ADGRE1: variants seen among roughly 807,000 people sequenced by gnomAD.
The protein encoded by ADGRE1 is adhesion G protein-coupled receptor E1.
Under a neutral mutation model 102.7 loss-of-function variants are expected in ADGRE1, and 82 were observed. The ratio of observed to expected loss-of-function variants is 0.80; its 90% CI spans 0.67 to 0.96. The LOEUF (loss-of-function observed/expected upper bound fraction) is 0.96. Ranked by LOEUF, ADGRE1 falls within the 40% of genes least tolerant of loss-of-function variation. The probability of loss-of-function intolerance (pLI) is 0.00; values close to 1 mark genes in which losing one functional copy is unlikely to be tolerated. For synonymous variants in ADGRE1, 398 were observed against 399.6 expected (o/e 1.00, Z 0.05); for missense variants, 1,032 against 1,085.3 (o/e 0.95, Z 0.69).
At position 6,904,080 on chromosome 19, in the gene ADGRE1, T is replaced by A; in HGVS notation, c.847T>A (p.Ser283Thr). The A allele has an allele frequency of 1.2e-6, 2 of 1,614,220 alleles. No individual in the cohort carries two copies. The highest frequency in any genetic ancestry group is 1.7e-6 in the Non-Finnish European group (2 of 1,180,030). The change falls in exon 8 of 21, where the codon TCT becomes ACT. Residue 283 changes from serine (S) to threonine (T), a missense_variant. Physicochemically the swap from Ser to Thr is moderately conservative, Grantham distance 58. Coordinates refer to ENST00000312053, the MANE Select transcript of ADGRE1 (RefSeq NM_001974.5). Reference sequence around the variant, plus strand: ...AGATCCATCAACCTGTGGTCCTAATTCTATCTGCACCAATGCCCTGGGCTC... The same window carrying A: ...AGATCCATCAACCTGTGGTCCTAATACTATCTGCACCAATGCCCTGGGCTC... ...RQDPSTCGPN[S>T]ICTNALGSYS...
At chr19:6,911,133 A>G (rs908650918) in intron 10 of ADGRE1, among the ~76,000 whole-genome samples, 1 of 152,012 alleles carries the variant, frequency 6.6e-6, no homozygotes, top group Non-Finnish European at 1.5e-5. Context: ...GTCAGTGGGG[A>G]GGGGAGTCCC....
chr19:6,916,180 TGGACAGAA>T, intron 11 of ADGRE1, 61 bp from the exon 12 acceptor site: 1 of 1,556,510 alleles, frequency 6.4e-7, no homozygotes, highest in Admixed American at 1.9e-5. Context: ...TACCTTTTTT[TGGACAGAA>T]ACCAAATTCA....
chr19:6,936,368 G>A (rs932226821), intron 18 of ADGRE1, among the ~76,000 whole-genome samples: 11 of 150,664 alleles, frequency 7.3e-5, no homozygotes, highest in Non-Finnish European at 1.0e-4. Flanking sequence ...CCCAGGAGGC[G>A]GAGCTTGCAG....
At position 6,940,391 on chromosome 19, in the gene ADGRE1, C is replaced by T. The variant is rs374291929; in HGVS notation, c.*362C>T. Reference sequence around the variant, plus strand: ...GCATGCCCCTCCAGAGCCTATCATACGCCTGATACAGAGAACCTCTCAATA... The same window carrying T: ...GCATGCCCCTCCAGAGCCTATCATATGCCTGATACAGAGAACCTCTCAATA... On this transcript the variant is annotated 3_prime_UTR_variant, in exon 21 of 21. Transcript: ENST00000312053. The T allele has an allele frequency of 1.2e-4, 37 of 299,972 alleles. No homozygotes were observed. Among genetic ancestry groups the T allele is most frequent in the South Asian group, 9.5e-4 (18 of 18,938 alleles). 18.6% of individuals were successfully genotyped at this position (299,972 alleles called of 1,614,324 possible).
chr19:6,907,948 GC>G (rs918189873), intron 9 of ADGRE1, among the ~76,000 whole-genome samples: 11 of 152,222 alleles, frequency 7.2e-5, no homozygotes, highest in Admixed American at 2.0e-4. Flanking sequence ...TTGGGAACAG[GC>G]CCCCCAAAAT....
intron 9 of ADGRE1, among the ~76,000 whole-genome samples, chr19:6,907,956 A>G (rs925016232): frequency 6.6e-6 from 1 of 152,216 alleles, no homozygotes; most frequent in Admixed American, 6.5e-5. Context: ...AGGCCCCCCA[A>G]AATCTGGCCA....
intron 16 of ADGRE1, among the ~76,000 whole-genome samples, chr19:6,927,523 C>G (rs1045884130): frequency 6.6e-6 from 1 of 152,086 alleles, no homozygotes; most frequent in African/African-American, 2.4e-5. Flanking sequence ...ATAGTGATAG[C>G]TGCTGTTTTA....
chr19:6,928,496 G>A (rs915044490), intron 17 of ADGRE1: 15 of 543,594 alleles, frequency 2.8e-5, no homozygotes, highest in Middle Eastern at 5.5e-4. Context: ...GTGTGGTGGC[G>A]AGCACTTGTA....
chr19:6,940,248 T>G lies in ADGRE1; in HGVS notation c.*219T>G. 1.7e-6 allele frequency: 1 copy of G among 601,334 alleles called. No homozygotes were observed. The highest frequency in any genetic ancestry group is 2.9e-6 in the Non-Finnish European group (1 of 340,784). The allele number at this position is 601,334 out of a possible 1,614,324, so 37.2% of individuals were successfully genotyped here. A position where few individuals can be genotyped will look rare whatever the true frequency, so the allele number is the denominator to read the frequency against. On this transcript the variant is annotated 3_prime_UTR_variant, in exon 21 of 21. Transcript: ENST00000312053. ...GCTCCAAACGACCATTTTATCTTCG[T>G]GCTCTGCAACTTCTTCAATTCCAGA...
At chr19:6,900,661 A>G (rs1973733913) in intron 5 of ADGRE1, among the ~76,000 whole-genome samples, 1 of 152,138 alleles carries the variant, frequency 6.6e-6, no homozygotes, top group African/African-American at 2.4e-5. Context: ...CAAGAGCTCC[A>G]TCTTCCTGTG....
At chr19:6,921,973 C>A in intron 14 of ADGRE1, 90 bp downstream of exon 14, 1 of 1,453,394 alleles carries the variant, frequency 6.9e-7, no homozygotes, top group Non-Finnish European at 9.3e-7. Context: ...GTGTGTCTCC[C>A]ATGGGGTTGG....
rs1974212067 is a variant in ADGRE1, at chr19:6,911,970, C to A, written c.1123-1683C>A. 2.0e-5 allele frequency among the ~76,000 whole-genome samples: 3 copies of A among 151,710 alleles called. No individual in the cohort carries two copies. In the South Asian group the frequency reaches 6.3e-4, roughly 32 times the overall value. On this transcript the variant is annotated intron_variant, in intron 10 of 20. Coordinates refer to ENST00000312053, the MANE Select transcript of ADGRE1 (RefSeq NM_001974.5). ...GTACCCATACACACATACAGACATA[C>A]ACAGACATCTACACACAGATACACA...
Position 6,936,479 on chromosome 19 carries a change from A to G in ADGRE1, c.2382-764A>G, listed in dbSNP as rs1599774694. On this transcript the variant is annotated intron_variant, in intron 18 of 20. Transcript: ENST00000312053. ...AAAAGGTAAAACAAAGTTGATACAT[A>G]CACATACTCATAGCAGAAAATGTAA... Among the ~76,000 whole-genome samples, 4 of 152,100 alleles carry G rather than the reference A, an allele frequency of 2.6e-5. No individual in the cohort carries two copies. The South Asian group carries it at 8.3e-4, about 32-fold the overall frequency.
intron 2 of ADGRE1, chr19:6,891,099 G>C (rs1404350817): frequency 6.6e-6 from 1 of 152,418 alleles, no homozygotes; most frequent in East Asian, 1.9e-4. Flanking sequence ...GGCGGGGCCA[G>C]TTGGAGATAA....
rs252551 is a variant in ADGRE1, at chr19:6,935,102, C to G, written c.2381+24C>G. 5.8e-6 allele frequency: 9 copies of G among 1,556,444 alleles called. No individual in the cohort carries two copies. The Admixed American group carries it at 7.5e-5, about 13-fold the overall frequency. ...AGGTAAAGCCCTCTTTCACCTCCCC[C>G]CCTCTTTTAATTTCCTCTTTCTTCT... is the stretch of plus-strand genomic sequence containing the variant. On this transcript the variant is annotated intron_variant, in intron 18 of 20. Transcript: ENST00000312053.
At chr19:6,909,972 G>A (rs967888185) in intron 10 of ADGRE1, among the ~76,000 whole-genome samples, 3 of 151,192 alleles carry the variant, frequency 2.0e-5, no homozygotes, top group Non-Finnish European at 3.0e-5. Flanking sequence ...GACCTCAGGC[G>A]ATCCACCTGC....
chr19:6,931,240 T>A (rs1975134191), intron 17 of ADGRE1, among the ~76,000 whole-genome samples: 1 of 152,168 alleles, frequency 6.6e-6, no homozygotes, highest in Non-Finnish European at 1.5e-5. Context: ...CTGATCTAAG[T>A]CTTGGGAATG....
At chr19:6,901,454 AT>A (rs1973762182) in intron 5 of ADGRE1, among the ~76,000 whole-genome samples, 1 of 152,150 alleles carries the variant, frequency 6.6e-6, no homozygotes, top group Non-Finnish European at 1.5e-5. Context: ...ACTGTCTTCT[AT>A]TGGTCAGTGC....
chr19:6,909,528 T>C (rs1974094315), intron 10 of ADGRE1, among the ~76,000 whole-genome samples: 1 of 152,162 alleles, frequency 6.6e-6, no homozygotes, highest in South Asian at 2.1e-4. Context: ...GATGCCTGGA[T>C]AGTGTGTATA....
Sources: allele counts gnomAD v4.1 joint callset (sites outside exome capture counted in the v4.1 genomes callset), GRCh38; gene constraint gnomAD v4.1.1; transcripts MANE v1.5; gene names NCBI Gene and HGNC (gene_info 2026-07-23, HGNC 2026-07-21).